AMBRA1: variants seen among roughly 807,000 people sequenced by gnomAD.
AMBRA1 encodes activating molecule in BECN1-regulated autophagy protein 1.
In AMBRA1, 47 loss-of-function variants were observed where a neutral mutation model predicts 125.4. That is an observed-to-expected ratio of 0.37 (90% CI 0.30 to 0.48). The LOEUF (loss-of-function observed/expected upper bound fraction) is 0.48. Ranked by LOEUF, AMBRA1 falls within the 20% of genes least tolerant of loss-of-function variation. The probability of loss-of-function intolerance (pLI) is 0.99; values close to 1 mark genes in which losing one functional copy is unlikely to be tolerated. For missense variants in AMBRA1, 1,331 were observed against 1,693.4 expected (o/e 0.79, Z 3.76); for synonymous variants, 626 against 655.5 (o/e 0.95, Z 0.69).
At chr11:46,450,336 T>C (rs1194935542) in intron 11 of AMBRA1, among the ~76,000 whole-genome samples, 2 of 152,116 alleles carry the variant, frequency 1.3e-5, no homozygotes, top group African/African-American at 2.4e-5. Context: ...TCCAACTGTA[T>C]GAGATTCTGG....
chr11:46,524,325 T>C (rs1245635359), intron 7 of AMBRA1, among the ~76,000 whole-genome samples: 3 of 152,236 alleles, frequency 2.0e-5, no homozygotes. Flanking sequence ...ACCACCAGTA[T>C]GTGACAGGTG....
chr11:46,531,920 C>T (rs1474555505), intron 7 of AMBRA1, among the ~76,000 whole-genome samples: 1 of 151,928 alleles, frequency 6.6e-6, no homozygotes, highest in Non-Finnish European at 1.5e-5. Context: ...GAGTTCAAGA[C>T]CGGCCTGGCC....
At chr11:46,442,273 G>A (rs1222681844) in intron 12 of AMBRA1, among the ~76,000 whole-genome samples, 1 of 151,954 alleles carries the variant, frequency 6.6e-6, no homozygotes, top group East Asian at 1.9e-4. Context: ...CACCCGAGTA[G>A]CTGGGAAAAC....
At chr11:46,567,781 T>C (rs1374203915) in intron 1 of AMBRA1, among the ~76,000 whole-genome samples, 2 of 152,174 alleles carry the variant, frequency 1.3e-5, no homozygotes, top group Non-Finnish European at 2.9e-5. Context: ...ATTTCACATG[T>C]GCCTATGATT....
intron 9 of AMBRA1, chr11:46,495,064 C>T (rs1950585342): frequency 6.6e-6 from 1 of 152,210 alleles, no homozygotes; most frequent in Admixed American, 6.5e-5. Context: ...GAAGATTGGA[C>T]TTTGAAGTCC....
intron 1 of AMBRA1, chr11:46,591,171 A>G (rs1008792698): frequency 1.3e-5 from 2 of 152,232 alleles, no homozygotes; most frequent in Non-Finnish European, 2.9e-5. Flanking sequence ...CCAATGAGAT[A>G]GTCCTTATAA....
In AMBRA1 at chr11:46,543,975, C is replaced by G. The variant is rs764620287; in HGVS notation, c.618G>C (p.Gln206His). The G allele has an allele frequency of 6.2e-7, 1 of 1,613,052 alleles. No individual in the cohort carries two copies. Among genetic ancestry groups the G allele is most frequent in the Non-Finnish European group, 8.5e-7 (1 of 1,179,310 alleles). Residue 206 changes from glutamine to histidine, a missense_variant and splice_region_variant, in exon 6 of 18, where the codon CAG becomes CAC. Transcript: ENST00000683756. ...AATTGGAACTGCTGGACTAACTTACCTGTTGATTAGAGGGGTTAACAATTG... is the reference window on the plus strand; with the variant it reads ...AATTGGAACTGCTGGACTAACTTACGTGTTGATTAGAGGGGTTAACAATTG... Reference protein sequence around the residue: ...LTAIVNPSNQQGDDEPEIPID... With the variant: ...LTAIVNPSNQHGDDEPEIPID...
intron 16 of AMBRA1, among the ~76,000 whole-genome samples, chr11:46,409,072 G>C (rs1946158567): frequency 6.6e-6 from 1 of 152,244 alleles, no homozygotes; most frequent in Non-Finnish European, 1.5e-5. Flanking sequence ...ATGGGATAAA[G>C]AGTGAGCACT....
chr11:46,446,929 TTTTG>T (rs1335454787), intron 11 of AMBRA1, among the ~76,000 whole-genome samples: 1 of 152,216 alleles, frequency 6.6e-6, no homozygotes, highest in Admixed American at 6.5e-5. Flanking sequence ...ACGGCTTGTT[TTTTG>T]TTTGTTTTGA....
chr11:46,543,025 G>C lies in AMBRA1; in HGVS notation c.992C>G (p.Pro331Arg), dbSNP rs1461838812. 3 of 1,599,590 alleles carry C rather than the reference G, an allele frequency of 1.9e-6. No homozygotes were observed. The highest frequency in any genetic ancestry group is 2.5e-6 in the Non-Finnish European group (3 of 1,179,870). Residue 331 changes from proline (P) to arginine (R), a missense_variant, in exon 7 of 18, where the codon CCT becomes CGT. By Grantham distance (103) the Pro-to-Arg change is moderately radical (BLOSUM62 -2). This residue lies in a region of AMBRA1 where 689 missense variants were observed against 776.5 expected (regional missense o/e 0.89). Transcript: ENST00000683756. ...SLLPHQDSVP[P>R]ASARATTPSF... ...AGGGGTAGTAGCTCTGGCAGAAGCA[G>C]GGGGGACACTGTCCTGGTGTGGCAA...
chr11:46,464,427 TCTAAA>T (rs1949236538), intron 11 of AMBRA1, among the ~76,000 whole-genome samples: 1 of 152,102 alleles, frequency 6.6e-6, no homozygotes, highest in Non-Finnish European at 1.5e-5. Flanking sequence ...CCTGAGATGG[TCTAAA>T]CTAAACTCAA....
chr11:46,562,951 C>G (rs768344438), intron 1 of AMBRA1, among the ~76,000 whole-genome samples: 3 of 152,016 alleles, frequency 2.0e-5, no homozygotes, highest in Non-Finnish European at 4.4e-5. Flanking sequence ...CAGGCACATG[C>G]CACCACACCT....
intron 17 of AMBRA1, among the ~76,000 whole-genome samples, chr11:46,398,223 G>A (rs1945550483): frequency 6.6e-6 from 1 of 152,242 alleles, no homozygotes; most frequent in African/African-American, 2.4e-5. Context: ...TGGCCTCAAT[G>A]AGTTCTCTCA....
intron 11 of AMBRA1, among the ~76,000 whole-genome samples, chr11:46,486,908 CATAAATAA>C (rs56834227): frequency 0.075 from 10,468 of 139,210 alleles, 1,087 homozygotes; most frequent in African/African-American, 0.24. Context: ...TCCATCTCAA[CATAAATAA>C]ATAAATAAAT....
At chr11:46,581,561 G>A (rs1305299981) in intron 1 of AMBRA1, among the ~76,000 whole-genome samples, 1 of 151,776 alleles carries the variant, frequency 6.6e-6, no homozygotes, top group Non-Finnish European at 1.5e-5. Flanking sequence ...AGCCGAGATC[G>A]CACCACTGCA....
chr11:46,430,513 A>G (rs557613489), intron 14 of AMBRA1, among the ~76,000 whole-genome samples: 10 of 152,362 alleles, frequency 6.6e-5, no homozygotes, highest in African/African-American at 2.2e-4. Flanking sequence ...AAGTTGTCCA[A>G]GAACCACAGT....
chr11:46,536,904 AC>A (rs1054556412), intron 7 of AMBRA1, among the ~76,000 whole-genome samples: 1 of 152,224 alleles, frequency 6.6e-6, no homozygotes, highest in African/African-American at 2.4e-5. Flanking sequence ...AGAGAAAAAG[AC>A]CTAAATTCTC....
At chr11:46,565,410 CA>C (rs2043486296) in intron 1 of AMBRA1, among the ~76,000 whole-genome samples, 1 of 151,928 alleles carries the variant, frequency 6.6e-6, no homozygotes, top group African/African-American at 2.4e-5. Context: ...TATGTTCAGA[CA>C]AAAACTTGTT....
At chr11:46,496,380 C>T (rs1950631416) in intron 9 of AMBRA1, among the ~76,000 whole-genome samples, 1 of 151,856 alleles carries the variant, frequency 6.6e-6, no homozygotes, top group African/African-American at 2.4e-5. Flanking sequence ...AAAACTCTGT[C>T]TCAAATAAAA....
Sources: allele counts gnomAD v4.1 joint callset (sites outside exome capture counted in the v4.1 genomes callset), GRCh38; gene constraint gnomAD v4.1.1; regional missense constraint gnomAD v4.1.1; transcripts MANE v1.5; gene names NCBI Gene and HGNC (gene_info 2026-07-23, HGNC 2026-07-21).